Variants in CXCL17 observed in about 807,000 individuals in gnomAD.
CXCL17 encodes the protein C-X-C motif chemokine ligand 17, also known as C-X-C motif chemokine 17.
In CXCL17, 9 loss-of-function variants were observed where a neutral mutation model predicts 15.5. The observed-to-expected ratio is 0.58, with a 90% CI of 0.35 to 1.01. The LOEUF (loss-of-function observed/expected upper bound fraction) is 1.01, where lower values mean the gene tolerates loss of function less well. CXCL17 is among the 50% of genes least tolerant of loss of function. The probability of loss-of-function intolerance (pLI) is 0.02; values close to 1 mark genes in which losing one functional copy is unlikely to be tolerated. For synonymous variants in CXCL17, 52 were observed against 52.3 expected (o/e 0.99, Z 0.02); for missense variants, 133 against 138.2 (o/e 0.96, Z 0.19).
At chr19:42,440,436 A>G (rs897081425) in intron 1 of CXCL17, among the ~76,000 whole-genome samples, 3 of 152,150 alleles carry the variant, frequency 2.0e-5, no homozygotes, top group Non-Finnish European at 4.4e-5. Flanking sequence ...TCAGGCCTGC[A>G]CTGCAAAACT....
At chr19:42,434,345 C>T (rs918362289) in intron 1 of CXCL17, among the ~76,000 whole-genome samples, 2 of 152,180 alleles carry the variant, frequency 1.3e-5, no homozygotes, top group South Asian at 4.1e-4. Flanking sequence ...TTAAAATCCT[C>T]ATGACTTAAA....
chr19:42,431,093 G>C (rs1354079121), intron 3 of CXCL17, among the ~76,000 whole-genome samples: 1 of 152,216 alleles, frequency 6.6e-6, no homozygotes, highest in African/African-American at 2.4e-5. Context: ...CCCTGCCTTG[G>C]CCTCCCAAAG....
At chr19:42,435,541 A>C (rs1179396460) in intron 1 of CXCL17, among the ~76,000 whole-genome samples, 3 of 151,846 alleles carry the variant, frequency 2.0e-5, no homozygotes, top group Non-Finnish European at 4.4e-5. Flanking sequence ...TTATAAGAAA[A>C]GGAGATTTGG....
intron 1 of CXCL17, among the ~76,000 whole-genome samples, chr19:42,434,232 A>G (rs1387290909): frequency 6.6e-6 from 1 of 152,158 alleles, no homozygotes; most frequent in Admixed American, 6.5e-5. Context: ...GCCTAGAGAA[A>G]AGCTTAGCTG....
intron 1 of CXCL17, among the ~76,000 whole-genome samples, chr19:42,436,544 CAG>C (rs1466391941): frequency 2.0e-5 from 3 of 151,358 alleles, no homozygotes; most frequent in Admixed American, 6.6e-5. Flanking sequence ...AAAGTACAAA[CAG>C]AGAAATTATT....
intron 3 of CXCL17, among the ~76,000 whole-genome samples, chr19:42,431,978 A>G (rs897978493): frequency 1.3e-5 from 2 of 152,052 alleles, no homozygotes; most frequent in Admixed American, 1.3e-4. Flanking sequence ...CTAGTATTCC[A>G]TTGTTGAGAT....
chr19:42,442,297 C>T (rs946146503), intron 1 of CXCL17, among the ~76,000 whole-genome samples: 6 of 146,130 alleles, frequency 4.1e-5, no homozygotes, highest in Non-Finnish European at 8.9e-5. Context: ...ACAGTGGTGC[C>T]GTCTCGGCTC....
chr19:42,437,626 G>A (rs2040846407), intron 1 of CXCL17, among the ~76,000 whole-genome samples: 1 of 152,204 alleles, frequency 6.6e-6, no homozygotes, highest in African/African-American at 2.4e-5. Context: ...GTCCAGGCGG[G>A]TGTTGAGTAC....
intron 1 of CXCL17, among the ~76,000 whole-genome samples, chr19:42,440,512 C>T (rs1014368129): frequency 1.3e-5 from 2 of 152,128 alleles, no homozygotes; most frequent in Non-Finnish European, 2.9e-5. Flanking sequence ...GTGATGGCGC[C>T]CCCTGGTGGC....
At chr19:42,434,778 G>A (rs1225505176) in intron 1 of CXCL17, among the ~76,000 whole-genome samples, 1 of 151,934 alleles carries the variant, frequency 6.6e-6, no homozygotes, top group African/African-American at 2.4e-5. Flanking sequence ...ATTAAACGAT[G>A]GTATTTACCT....
rs1169667247 is a variant in CXCL17, at chr19:42,428,318, C to G, written c.*566G>C. On this transcript the variant is annotated 3_prime_UTR_variant, in exon 4 of 4. Coordinates refer to ENST00000601181, the MANE Select transcript of CXCL17 (RefSeq NM_198477.3). ...TATATTATCTTTAATAAGACCGTGTCTGGTTCATTGGTATGCTTTTTTTTT... is the reference window on the plus strand; with the variant it reads ...TATATTATCTTTAATAAGACCGTGTGTGGTTCATTGGTATGCTTTTTTTTT... 6.7e-6 allele frequency: 1 copy of G among 149,504 alleles called. No homozygotes were observed. Among genetic ancestry groups the G allele is most frequent in the Non-Finnish European group, 1.5e-5 (1 of 67,804 alleles). The allele number at this position is 149,504 out of a possible 1,614,324, so 9.3% of individuals were successfully genotyped here.
chr19:42,435,743 T>C (rs958035867), intron 1 of CXCL17, among the ~76,000 whole-genome samples: 3 of 151,514 alleles, frequency 2.0e-5, no homozygotes, highest in African/African-American at 7.3e-5. Context: ...GGCAGGAGAA[T>C]TGCTTGAACC....
At chr19:42,439,244 ACT>A (rs1365249760) in intron 1 of CXCL17, among the ~76,000 whole-genome samples, 2 of 122,278 alleles carry the variant, frequency 1.6e-5, no homozygotes, top group Non-Finnish European at 3.4e-5. Flanking sequence ...ACAGAGCAAG[ACT>A]CTATCTCAAA....
chr19:42,441,700 T>C (rs2040893703), intron 1 of CXCL17, among the ~76,000 whole-genome samples: 1 of 152,184 alleles, frequency 6.6e-6, no homozygotes, highest in South Asian at 2.1e-4. Flanking sequence ...GTATGTAACA[T>C]AGCCATTTCA....
At chr19:42,431,376 A>C (rs2040779192) in intron 3 of CXCL17, among the ~76,000 whole-genome samples, 1 of 152,192 alleles carries the variant, frequency 6.6e-6, no homozygotes, top group South Asian at 2.1e-4. Context: ...CCTATTTGGC[A>C]GCTTGTCATT....
chr19:42,433,247 C>G (rs1331901368), intron 2 of CXCL17, among the ~76,000 whole-genome samples, 170 bp from the exon 3 acceptor site: 1 of 152,176 alleles, frequency 6.6e-6, no homozygotes, highest in African/African-American at 2.4e-5. Context: ...GCCAGTATTT[C>G]TGAGTTGTTT....
At position 42,428,404 on chromosome 19, in the gene CXCL17, A is replaced by C. The variant is rs796760029; in HGVS notation, c.*480T>G. 12 of 151,958 alleles carry C rather than the reference A, an allele frequency of 7.9e-5. No individual in the cohort carries two copies. Among genetic ancestry groups the C allele is most frequent in the African/African-American group, 2.9e-4 (12 of 41,366 alleles). 9.4% of individuals were successfully genotyped at this position (151,958 alleles called of 1,614,324 possible). On this transcript the variant is annotated 3_prime_UTR_variant, in exon 4 of 4. Transcript: ENST00000601181. ...TCGAATGAGTGAAAGATGAACAAGT[A>C]GGCCAATGGAGACAGAGTGAGGGTC...
intron 1 of CXCL17, among the ~76,000 whole-genome samples, chr19:42,438,460 G>A (rs935346787): frequency 1.6e-4 from 22 of 141,008 alleles, no homozygotes; most frequent in Admixed American, 3.0e-4. Flanking sequence ...TGAAAATGAC[G>A]TGAATGTGGT....
intron 1 of CXCL17, among the ~76,000 whole-genome samples, chr19:42,441,893 T>C (rs1246077688): frequency 6.6e-6 from 1 of 152,236 alleles, no homozygotes; most frequent in African/African-American, 2.4e-5. Flanking sequence ...GGGCTTGCTA[T>C]GGATAAAGCT....
Sources: allele counts gnomAD v4.1 joint callset (sites outside exome capture counted in the v4.1 genomes callset), GRCh38; gene constraint gnomAD v4.1.1; transcripts MANE v1.5; gene names NCBI Gene and HGNC (gene_info 2026-07-23, HGNC 2026-07-21).